SEM1: variants seen among roughly 807,000 people sequenced by gnomAD.
SEM1 encodes SEM1 26S proteasome subunit, also known as 26S proteasome complex subunit SEM1.
SEM1 carries 3 observed loss-of-function variants against 12.7 expected under a neutral mutation model. The ratio of observed to expected loss-of-function variants is 0.24; its 90% CI spans 0.11 to 0.61. SEM1 has a LOEUF of 0.61. Ranked by LOEUF, SEM1 falls within the 20% of genes least tolerant of loss-of-function variation. SEM1 has a pLI of 0.88. For missense variants in SEM1, 59 were observed against 81.3 expected, an observed-to-expected ratio of 0.73 and a Z score of 1.06; for synonymous variants, 30 against 27.8, an observed-to-expected ratio of 1.08 and a Z score of -0.25.
chr7:96,527,358 A>G (rs1316952577), intron 2 of SEM1, among the ~76,000 whole-genome samples: 2 of 152,042 alleles, frequency 1.3e-5, no homozygotes, highest in African/African-American at 2.4e-5. Flanking sequence ...TGTCACTTCT[A>G]ATTTCTCTGG....
rs746973165 is a variant in SEM1 at position 96,709,695 on chromosome 7, A to C, written c.69T>G (p.Pro23=). 1.2e-5 allele frequency: 20 copies of C among 1,613,474 alleles called. No homozygotes were observed. The South Asian group carries it at 2.0e-4, about 16-fold the overall frequency. Reference sequence around the variant, plus strand: ...CCGGGGCCCAGCGGTTACCTTCGGCAGGGAACTCTTCAAACTCGTCGTCTT... The same window carrying C: ...CCGGGGCCCAGCGGTTACCTTCGGCCGGGAACTCTTCAAACTCGTCGTCTT... ...LEEDDEFEEF[P]AEDWAGLDED... The change falls in exon 1 of 3, where the codon CCT becomes CCG. Residue 23 remains proline (P), a synonymous_variant. Coordinates refer to ENST00000248566, the MANE Select transcript of SEM1 (RefSeq NM_006304.2).
At chr7:96,604,690 G>C (rs956087290) in intron 2 of SEM1, among the ~76,000 whole-genome samples, 3 of 151,928 alleles carry the variant, frequency 2.0e-5, no homozygotes, top group Admixed American at 2.0e-4. Flanking sequence ...AGGCTGAGGC[G>C]GGCGAATCAC....
chr7:96,699,134 A>G (rs1790192808), intron 1 of SEM1, among the ~76,000 whole-genome samples: 1 of 152,098 alleles, frequency 6.6e-6, no homozygotes, highest in South Asian at 2.1e-4. Flanking sequence ...TTCACCATGC[A>G]TATTCTTAAG....
upstream of SEM1, chr7:96,496,382 A>G: frequency 2.0e-6 from 2 of 1,019,976 alleles, no homozygotes; most frequent in Non-Finnish European, 2.9e-6. Flanking sequence ...AATATAAAAG[A>G]GTGTAAAGCC....
chr7:96,524,721 A>G (rs1260894688), intron 2 of SEM1, among the ~76,000 whole-genome samples: 2 of 152,062 alleles, frequency 1.3e-5, no homozygotes, highest in Non-Finnish European at 2.9e-5. Flanking sequence ...ATGTTTTACA[A>G]TCTTATTTCA....
At chr7:96,688,731 G>A, downstream of SEM1, 2 of 456,658 alleles carry the variant, frequency 4.4e-6, no homozygotes, top group South Asian at 4.2e-5. Context: ...AAATTGATTA[G>A]AAGCAAAAGA....
chr7:96,533,495 T>A (rs967130352), intron 2 of SEM1, among the ~76,000 whole-genome samples: 2 of 152,078 alleles, frequency 1.3e-5, no homozygotes, highest in African/African-American at 4.8e-5. Flanking sequence ...GTCTGATATT[T>A]GTGTATTATG....
At chr7:96,544,093 A>T (rs1386413496) in intron 2 of SEM1, among the ~76,000 whole-genome samples, 1 of 152,068 alleles carries the variant, frequency 6.6e-6, no homozygotes, top group Non-Finnish European at 1.5e-5. Flanking sequence ...TGAGCCCATC[A>T]GCGTTAAAAC....
chr7:96,578,631 A>G (rs1806286104), intron 2 of SEM1, among the ~76,000 whole-genome samples: 1 of 152,230 alleles, frequency 6.6e-6, no homozygotes, highest in South Asian at 2.1e-4. Flanking sequence ...GGAGAATGCT[A>G]AGACAAGACA....
intron 2 of SEM1, among the ~76,000 whole-genome samples, chr7:96,516,943 G>A (rs1360650359): frequency 1.3e-5 from 2 of 152,098 alleles, no homozygotes; most frequent in African/African-American, 4.8e-5. Flanking sequence ...AAACATAAAT[G>A]CATATTTCCA....
chr7:96,699,117 T>C (rs1345442195), intron 1 of SEM1, among the ~76,000 whole-genome samples: 1 of 152,070 alleles, frequency 6.6e-6, no homozygotes, highest in Non-Finnish European at 1.5e-5. Flanking sequence ...GGGTATCCAA[T>C]CTCAACTTCA....
chr7:96,604,947 C>T lies in SEM1; in HGVS notation c.170+89851G>A, dbSNP rs116324232. On this transcript the variant is annotated intron_variant and NMD_transcript_variant, in intron 2 of 3. Coordinates refer to the SEM1 transcript ENST00000466986. ...AAAAATAAACAAACAAAAACCCCAA[C>T]CAACCAACCAACCAAGCAGAAAGAA... 3.9e-3 allele frequency among the ~76,000 whole-genome samples: 586 copies of T among 151,704 alleles called. 3 individuals carry two copies. The highest frequency in any genetic ancestry group is 0.013 in the African/African-American group (554 of 41,374).
intron 2 of SEM1, among the ~76,000 whole-genome samples, chr7:96,635,619 A>G (rs1808405229): frequency 6.6e-6 from 1 of 151,994 alleles, no homozygotes; most frequent in Non-Finnish European, 1.5e-5. Context: ...TCCTGTGGAT[A>G]GTTGAAGCAA....
At chr7:96,693,760 T>TGTGTGTGTGTGTGTGTG (rs1790002060) in intron 2 of SEM1, among the ~76,000 whole-genome samples, 2 of 139,568 alleles carry the variant, frequency 1.4e-5, no homozygotes, top group East Asian at 4.1e-4. Context: ...ACAATTCCAC[T>TGTGTGTGTGTGTGTGTG]TGTGTGTGTG....
chr7:96,489,826 C>T (rs1802932709), intron 1 of SEM1, among the ~76,000 whole-genome samples: 1 of 152,202 alleles, frequency 6.6e-6, no homozygotes, highest in African/African-American at 2.4e-5. Context: ...CTCTGTGTAT[C>T]TATGTCTGTG....
At chr7:96,689,336 C>A (rs954124800) in intron 2 of SEM1, among the ~76,000 whole-genome samples, 1 of 152,072 alleles carries the variant, frequency 6.6e-6, no homozygotes, top group Non-Finnish European at 1.5e-5. Context: ...TAACCTCAGG[C>A]AAAGTACACA....
At chr7:96,707,820 A>G (rs1790518101) in intron 1 of SEM1, among the ~76,000 whole-genome samples, 1 of 152,226 alleles carries the variant, frequency 6.6e-6, no homozygotes, top group Admixed American at 6.5e-5. Flanking sequence ...TTAAGCAGTC[A>G]ATTATCAACT....
intron 2 of SEM1, among the ~76,000 whole-genome samples, chr7:96,664,826 A>C (rs1019290004): frequency 9.2e-5 from 14 of 152,182 alleles, no homozygotes; most frequent in Admixed American, 8.5e-4. Flanking sequence ...TGGTTGAATA[A>C]ATTCTGGTAT....
intron 2 of SEM1, chr7:96,649,848 A>G (rs557301067): frequency 1.3e-5 from 2 of 152,296 alleles, no homozygotes; most frequent in African/African-American, 4.8e-5. Flanking sequence ...ACCAAGAGTG[A>G]GAGAGGTTTA....
Sources: allele counts gnomAD v4.1 joint callset (sites outside exome capture counted in the v4.1 genomes callset), GRCh38; gene constraint gnomAD v4.1.1; transcripts MANE v1.5; gene names NCBI Gene and HGNC (gene_info 2026-07-23, HGNC 2026-07-21).